TPD52: variants seen among roughly 807,000 people sequenced by gnomAD.
The protein encoded by TPD52 is tumor protein D52, also known as prostate and colon associated protein.
TPD52 carries 17 observed loss-of-function variants against 31.3 expected under a neutral mutation model. The observed-to-expected ratio is 0.54, with a 90% CI of 0.37 to 0.82. The LOEUF is 0.82. TPD52 is among the 40% of genes least tolerant of loss of function. The probability of loss-of-function intolerance (pLI) is 0.00; values close to 1 mark genes in which losing one functional copy is unlikely to be tolerated. For missense variants in TPD52, 212 were observed against 240.1 expected (o/e 0.88, Z 0.77); for synonymous variants, 83 against 89.6 (o/e 0.93, Z 0.42).
At chr8:80,154,962 T>TTGG (rs1810851206) in intron 1 of TPD52, among the ~76,000 whole-genome samples, 1 of 151,524 alleles carries the variant, frequency 6.6e-6, no homozygotes, top group East Asian at 1.9e-4. Context: ...GTTTTGTTTG[T>TTGG]TTGGTTGGTT....
intron 1 of TPD52, among the ~76,000 whole-genome samples, chr8:80,160,889 C>CAAAAAAAAAAAAAAAAAAAAAAAAAA (rs58923055): frequency 1.1e-5 from 1 of 95,096 alleles, no homozygotes; most frequent in African/African-American, 4.3e-5. Context: ...ACTAAAAATA[C>CAAAAAAAAAAAAAAAAAAAAAAAAAA]AAAAAAAAAA....
intron 1 of TPD52, among the ~76,000 whole-genome samples, chr8:80,079,763 A>T (rs1453841639): frequency 6.6e-6 from 1 of 152,070 alleles, no homozygotes; most frequent in African/African-American, 2.4e-5. Context: ...AAGCAATCTC[A>T]TACTGGTAAG....
rs139728548 is a variant in TPD52, at chr8:80,105,536, T to C, written c.20-40943A>G. 6.1e-3 allele frequency among the ~76,000 whole-genome samples: 933 copies of C among 152,226 alleles called. 11 individuals are homozygous for C. The highest frequency in any genetic ancestry group is 0.021 in the African/African-American group (888 of 41,514). On this transcript the variant is annotated intron_variant, in intron 1 of 7. Transcript: ENST00000518937. ...TGTAAGCCCTTAAGAGGGACAGGAA[T>C]TGCTCACTTGGGGAGCTCGGTTTTT...
At chr8:80,046,517 C>T (rs1810865823) in intron 5 of TPD52, among the ~76,000 whole-genome samples, 1 of 152,172 alleles carries the variant, frequency 6.6e-6, no homozygotes, top group Admixed American at 6.5e-5. Context: ...TCAACTTGCT[C>T]ATCATTTTCA....
At chr8:80,043,628 A>G (rs1255449118) in intron 6 of TPD52, among the ~76,000 whole-genome samples, 1 of 152,160 alleles carries the variant, frequency 6.6e-6, no homozygotes, top group East Asian at 1.9e-4. Context: ...GCGGTTTCAC[A>G]AGCACTCCAA....
intron 1 of TPD52, among the ~76,000 whole-genome samples, chr8:80,148,016 T>C (rs1244864890): frequency 6.6e-6 from 1 of 152,140 alleles, no homozygotes; most frequent in Non-Finnish European, 1.5e-5. Context: ...AAAAATAAGA[T>C]AACTATACTC....
In TPD52 at chr8:80,157,873, T is replaced by C. The variant is rs371679871; in HGVS notation, c.19+13552A>G. 1.5e-3 allele frequency among the ~76,000 whole-genome samples: 228 copies of C among 152,332 alleles called. 1 individual carries two copies. The highest frequency in any genetic ancestry group is 5.3e-3 in the African/African-American group (220 of 41,570). On this transcript the variant is annotated intron_variant, in intron 1 of 7. Coordinates refer to ENST00000518937, the MANE Select transcript of TPD52 (RefSeq NM_001025253.3). ...CTTGAGCTTCTTGAAGGTCAAACTC[T>C]ACGATATCACTATTAAAATACATTT...
chr8:80,114,420 C>G (rs992879262), intron 1 of TPD52, among the ~76,000 whole-genome samples: 1 of 152,096 alleles, frequency 6.6e-6, no homozygotes, highest in African/African-American at 2.4e-5. Flanking sequence ...GTTTTAGAAG[C>G]AGGAATTTTT....
At chr8:80,079,425 A>G (rs1187495304) in intron 1 of TPD52, among the ~76,000 whole-genome samples, 1 of 152,218 alleles carries the variant, frequency 6.6e-6, no homozygotes, top group East Asian at 1.9e-4. Flanking sequence ...GCTGCTTCAC[A>G]CATCCCTACT....
intron 1 of TPD52, among the ~76,000 whole-genome samples, chr8:80,157,520 C>T (rs1286101777): frequency 6.6e-6 from 1 of 152,130 alleles, no homozygotes; most frequent in Non-Finnish European, 1.5e-5. Context: ...ACTCTCAGGT[C>T]GAGGAACTGC....
intron 5 of TPD52, among the ~76,000 whole-genome samples, chr8:80,044,831 A>G (rs1157187862): frequency 6.6e-6 from 1 of 152,216 alleles, no homozygotes; most frequent in Non-Finnish European, 1.5e-5. Context: ...GACCACTGGC[A>G]CGACTTTGGT....
chr8:80,098,902 C>G (rs921840975), intron 1 of TPD52, among the ~76,000 whole-genome samples: 1 of 152,170 alleles, frequency 6.6e-6, no homozygotes, highest in Non-Finnish European at 1.5e-5. Flanking sequence ...CAGTCAGCAG[C>G]CATTCTCATT....
At chr8:80,094,774 G>T (rs1816603968) in intron 1 of TPD52, among the ~76,000 whole-genome samples, 1 of 151,196 alleles carries the variant, frequency 6.6e-6, no homozygotes, top group East Asian at 2.0e-4. Context: ...AAAAAAAAAT[G>T]ATCACTTAAT....
At chr8:80,064,901 C>T in intron 1 of TPD52, 2 of 520,888 alleles carry the variant, frequency 3.8e-6, no homozygotes, top group Non-Finnish European at 7.3e-6. Flanking sequence ...TGAGATCTTG[C>T]TGAGACTTTA....
intron 1 of TPD52, chr8:80,064,931 C>T: frequency 2.1e-6 from 1 of 468,084 alleles, no homozygotes. Flanking sequence ...AAAAGTAAAT[C>T]AGTATAAATT....
At chr8:80,044,257 G>A (rs1810631984) in intron 5 of TPD52, 49 bp from the exon 6 acceptor site, 1 of 1,418,876 alleles carries the variant, frequency 7.0e-7, no homozygotes, top group Non-Finnish European at 9.5e-7. Context: ...GTATAGTGGT[G>A]CTTCAACATT....
At position 80,153,129 on chromosome 8, in the gene TPD52, T is replaced by G. The variant is rs151038149; in HGVS notation, c.19+18296A>C. On this transcript the variant is annotated intron_variant, in intron 1 of 7. Transcript: ENST00000518937. ...ATTACAAAGAAATGTCTTACTTCTA[T>G]GCTTTCACAGGTTTCTCCACTAAGG... Among the ~76,000 whole-genome samples, 234 of 152,334 alleles carry G rather than the reference T, an allele frequency of 1.5e-3. 1 individual carries two copies. The highest frequency in any genetic ancestry group is 5.4e-3 in the African/African-American group (223 of 41,578).
At chr8:80,134,744 C>A (rs188448517) in intron 1 of TPD52, among the ~76,000 whole-genome samples, 5 of 152,276 alleles carry the variant, frequency 3.3e-5, no homozygotes, top group Admixed American at 6.5e-5. Context: ...AAAGTGGATC[C>A]GTTAGTCCAT....
At chr8:80,083,446 G>C (rs909599359) in intron 1 of TPD52, among the ~76,000 whole-genome samples, 4 of 152,152 alleles carry the variant, frequency 2.6e-5, no homozygotes, top group Admixed American at 1.3e-4. Context: ...GGAGTAAACT[G>C]AATCATGGGG....
Sources: gnomAD v4.1 joint callset for allele counts (sites outside exome capture counted in the v4.1 genomes callset) on GRCh38, gnomAD v4.1.1 for gene constraint, MANE v1.5 for transcripts, NCBI Gene and HGNC (gene_info 2026-07-23, HGNC 2026-07-21) for gene names.